NTM: variants seen among roughly 807,000 people sequenced by gnomAD.
NTM encodes the protein neurotrimin, also known as IgLON family member 2.
A neutral mutation model predicts 42.1 loss-of-function variants in NTM; 13 were observed. The ratio of observed to expected loss-of-function variants is 0.31; its 90% CI spans 0.20 to 0.49. NTM has a LOEUF of 0.49. Among genes scored for constraint, NTM ranks in the 20% least tolerant of loss-of-function variants. The probability of loss-of-function intolerance (pLI) is 0.99; values close to 1 mark genes in which losing one functional copy is unlikely to be tolerated. For missense variants in NTM, 373 were observed against 452.8 expected, an observed-to-expected ratio of 0.82 and a Z score of 1.60; for synonymous variants, 187 against 179.2, an observed-to-expected ratio of 1.04 and a Z score of -0.35.
At chr11:132,016,339 T>A (rs2073405929) in intron 2 of NTM, among the ~76,000 whole-genome samples, 1 of 151,964 alleles carries the variant, frequency 6.6e-6, no homozygotes, top group South Asian at 2.1e-4. Flanking sequence ...CTACCCACAG[T>A]TAACCTCCAT....
chr11:132,217,080 A>G (rs1308811798), intron 4 of NTM, among the ~76,000 whole-genome samples: 1 of 152,108 alleles, frequency 6.6e-6, no homozygotes, highest in African/African-American at 2.4e-5. Context: ...CCTCATTGCA[A>G]CTGCTCTTCA....
intron 1 of NTM, among the ~76,000 whole-genome samples, chr11:131,606,857 C>T (rs918547848): frequency 7.9e-5 from 12 of 152,184 alleles, no homozygotes; most frequent in African/African-American, 2.7e-4. Context: ...AAAAAGAGGC[C>T]GTGGTTTAAG....
At chr11:131,830,909 A>G (rs1305755668) in intron 1 of NTM, among the ~76,000 whole-genome samples, 2 of 151,954 alleles carry the variant, frequency 1.3e-5, no homozygotes, top group Non-Finnish European at 2.9e-5. Flanking sequence ...GTATTCCTAC[A>G]TATTTTATTT....
chr11:131,731,172 G>T (rs1033274229), intron 1 of NTM, among the ~76,000 whole-genome samples: 2 of 152,128 alleles, frequency 1.3e-5, no homozygotes, highest in African/African-American at 2.4e-5. Flanking sequence ...CCCGTGTGGG[G>T]TCTTCCCTTA....
chr11:131,871,105 C>G (rs1295741658), intron 1 of NTM, among the ~76,000 whole-genome samples: 3 of 152,182 alleles, frequency 2.0e-5, no homozygotes, highest in Non-Finnish European at 4.4e-5. Flanking sequence ...TGTTGCTGCA[C>G]ATGCAAAACA....
chr11:132,250,597 T>C (rs1591533457), intron 4 of NTM, among the ~76,000 whole-genome samples: 1 of 139,702 alleles, frequency 7.2e-6, no homozygotes, highest in African/African-American at 2.8e-5. Flanking sequence ...CACTATTCAC[T>C]TTTTTTTTTT....
chr11:131,509,438 C>A (rs1241603810), intron 1 of NTM, among the ~76,000 whole-genome samples: 1 of 152,218 alleles, frequency 6.6e-6, no homozygotes, highest in East Asian at 1.9e-4. Context: ...AGATTCTTCC[C>A]TGGCCTTACA....
At chr11:132,070,002 T>C (rs1237521424) in intron 2 of NTM, among the ~76,000 whole-genome samples, 1 of 131,464 alleles carries the variant, frequency 7.6e-6, no homozygotes, top group Non-Finnish European at 1.6e-5. Context: ...AGTTAACACG[T>C]CACACAGCCA....
chr11:132,336,277 G>A lies in NTM; in HGVS notation c.*1131G>A, dbSNP rs527882447. On this transcript the variant is annotated 3_prime_UTR_variant, in exon 9 of 9. Transcript: ENST00000683400. Reference sequence around the variant, plus strand: ...ATGCTGTATATGGCGTTAGCTGTGTGTTGATCTTCTAAAAGATGATAGAGT... The same window carrying A: ...ATGCTGTATATGGCGTTAGCTGTGTATTGATCTTCTAAAAGATGATAGAGT... 1.3e-5 allele frequency: 2 copies of A among 152,308 alleles called. No individual in the cohort carries two copies. The highest frequency in any genetic ancestry group is 4.8e-5 in the African/African-American group (2 of 41,394). 9.4% of individuals were successfully genotyped at this position (152,308 alleles called of 1,614,324 possible).
chr11:132,220,335 C>G (rs2138840034), intron 4 of NTM, among the ~76,000 whole-genome samples: 1 of 152,320 alleles, frequency 6.6e-6, no homozygotes, highest in African/African-American at 2.4e-5. Flanking sequence ...TTATAGATCA[C>G]TCTTTAACTC....
At chr11:131,777,438 C>A (rs1527782) in intron 1 of NTM, among the ~76,000 whole-genome samples, 1 of 98,914 alleles carries the variant, frequency 1.0e-5, no homozygotes, top group African/African-American at 4.0e-5. Context: ...AGTACATCCC[C>A]CCCACCCCCC....
intron 1 of NTM, among the ~76,000 whole-genome samples, chr11:131,640,111 G>T (rs879815523): frequency 6.6e-6 from 1 of 152,160 alleles, no homozygotes; most frequent in African/African-American, 2.4e-5. Context: ...TTCTGAGAAC[G>T]TCTTTTTGTT....
intron 1 of NTM, among the ~76,000 whole-genome samples, chr11:131,739,971 G>A (rs912956889): frequency 6.6e-6 from 1 of 152,224 alleles, no homozygotes; most frequent in Non-Finnish European, 1.5e-5. Context: ...GTGATTATCT[G>A]ACATTTTGGT....
chr11:131,494,944 A>G (rs1315407862), intron 1 of NTM, among the ~76,000 whole-genome samples: 2 of 152,244 alleles, frequency 1.3e-5, no homozygotes, highest in African/African-American at 4.8e-5. Flanking sequence ...ATGTATGACA[A>G]CATTTCTCCT....
At chr11:131,787,441 A>G (rs949038733) in intron 1 of NTM, among the ~76,000 whole-genome samples, 1 of 151,180 alleles carries the variant, frequency 6.6e-6, no homozygotes, top group Non-Finnish European at 1.5e-5. Flanking sequence ...GTGCAGTGGC[A>G]TGAGCTCGGC....
intron 2 of NTM, among the ~76,000 whole-genome samples, chr11:132,115,671 G>C (rs1405307343): frequency 6.6e-6 from 1 of 152,166 alleles, no homozygotes; most frequent in African/African-American, 2.4e-5. Flanking sequence ...GGACCCAGGA[G>C]CTATTGAATA....
intron 1 of NTM, among the ~76,000 whole-genome samples, chr11:131,812,183 C>CCTCTCTCTCTCTCTCTCTCTCTCTCT (rs145003478): frequency 4.2e-5 from 6 of 142,956 alleles, no homozygotes; most frequent in African/African-American, 1.7e-4. Context: ...AATTAGTCAG[C>CCTCTCTCTCTCTCTCTCTCTCTCTCT]CTCTCTCTCT....
intron 1 of NTM, among the ~76,000 whole-genome samples, chr11:131,626,946 T>G (rs575378350): frequency 2.6e-5 from 4 of 152,336 alleles, no homozygotes; most frequent in Admixed American, 2.0e-4. Context: ...TGGGCAAAGC[T>G]CTGAGGAACC....
At chr11:131,918,215 G>A (rs1289189891) in intron 2 of NTM, among the ~76,000 whole-genome samples, 1 of 152,152 alleles carries the variant, frequency 6.6e-6, no homozygotes, top group Non-Finnish European at 1.5e-5. Flanking sequence ...CAGGCTGTGA[G>A]CCCTCACTTG....
Sources: gnomAD v4.1 joint callset for allele counts (sites outside exome capture counted in the v4.1 genomes callset) on GRCh38, gnomAD v4.1.1 for gene constraint, MANE v1.5 for transcripts, NCBI Gene and HGNC (gene_info 2026-07-23, HGNC 2026-07-21) for gene names.